GRAMD1B: variants seen among roughly 807,000 people sequenced by gnomAD.
GRAMD1B encodes the protein protein Aster-B.
Under a neutral mutation model 99.7 loss-of-function variants are expected in GRAMD1B, and 37 were observed. The ratio of observed to expected loss-of-function variants is 0.37; its 90% CI spans 0.29 to 0.49. The LOEUF (loss-of-function observed/expected upper bound fraction) is 0.49. GRAMD1B is among the 20% of genes least tolerant of loss of function. GRAMD1B has a pLI of 0.98. For synonymous variants in GRAMD1B, 427 were observed against 387.6 expected (o/e 1.10, Z -1.19); for missense variants, 888 against 1,009.2 (o/e 0.88, Z 1.63).
intron 2 of GRAMD1B, among the ~76,000 whole-genome samples, chr11:123,528,074 A>G (rs1322288061): frequency 6.6e-6 from 1 of 152,174 alleles, no homozygotes; most frequent in Non-Finnish European, 1.5e-5. Context: ...CATTAAGTAC[A>G]GGTCCATTTT....
intron 7 of GRAMD1B, 59 bp downstream of exon 7, chr11:123,596,096 T>G: frequency 1.1e-6 from 1 of 906,236 alleles, no homozygotes; most frequent in South Asian, 1.5e-5. Flanking sequence ...ACTCTTGTAT[T>G]TCTGCCCTTT....
At chr11:123,555,756 C>G (rs374966133) in intron 2 of GRAMD1B, among the ~76,000 whole-genome samples, 1 of 151,724 alleles carries the variant, frequency 6.6e-6, no homozygotes, top group Admixed American at 6.6e-5. Context: ...TTTTTTAAAA[C>G]GGAGTTTTGC....
chr11:123,384,894 G>T (rs187588121), intron 1 of GRAMD1B, among the ~76,000 whole-genome samples: 4 of 152,254 alleles, frequency 2.6e-5, no homozygotes, highest in East Asian at 3.9e-4. Context: ...TAAAGCAAAA[G>T]AAACTATAAA....
In GRAMD1B at chr11:123,614,797, G is replaced by A; in HGVS notation, c.2280G>A (p.Leu760=). The change falls in exon 17 of 20, where the codon CTG becomes CTA. Residue 760 remains leucine, a synonymous_variant. Transcript: ENST00000635736. ...IPEDTPNGFH[L]QSVSKLLLVI... ...AGGACACCCCCAACGGTTTCCACCTGCAGAGCGTGTCCAAGCTGCTGCTGG... is the reference window on the plus strand; with the variant it reads ...AGGACACCCCCAACGGTTTCCACCTACAGAGCGTGTCCAAGCTGCTGCTGG... The A allele has an allele frequency of 6.2e-7, 1 of 1,612,494 alleles. No individual in the cohort carries two copies. Among genetic ancestry groups the A allele is most frequent in the South Asian group, 1.1e-5 (1 of 90,960 alleles).
intron 2 of GRAMD1B, among the ~76,000 whole-genome samples, chr11:123,490,840 T>C (rs571513129): frequency 1.8e-4 from 27 of 152,104 alleles, no homozygotes; most frequent in South Asian, 4.2e-4. Context: ...GAGAGACTAA[T>C]TGAGGTGGAT....
At chr11:123,559,621 G>GA (rs559950904) in intron 2 of GRAMD1B, 14,911 of 790,054 alleles carry the variant, frequency 0.019, no homozygotes, top group Non-Finnish European at 0.021. Flanking sequence ...AATGGACAGA[G>GA]AAAAAAAAAA....
chr11:123,566,004 C>T (rs958258508), intron 2 of GRAMD1B, among the ~76,000 whole-genome samples: 6 of 152,154 alleles, frequency 3.9e-5, no homozygotes, highest in African/African-American at 1.4e-4. Flanking sequence ...TACTCTCATC[C>T]CGTGTCTTTG....
chr11:123,561,328 T>C (rs1592009691), intron 2 of GRAMD1B, among the ~76,000 whole-genome samples: 1 of 152,130 alleles, frequency 6.6e-6, no homozygotes, highest in Non-Finnish European at 1.5e-5. Context: ...CAGGAAGATA[T>C]GGACAGACAC....
intron 1 of GRAMD1B, among the ~76,000 whole-genome samples, chr11:123,463,293 A>G (rs537254659): frequency 1.3e-5 from 2 of 152,232 alleles, no homozygotes; most frequent in South Asian, 2.1e-4. Flanking sequence ...GATTACAGGC[A>G]TGAGCCACCG....
At chr11:123,590,352 C>T (rs992043138) in intron 4 of GRAMD1B, among the ~76,000 whole-genome samples, 17 of 152,148 alleles carry the variant, frequency 1.1e-4, no homozygotes, top group African/African-American at 3.6e-4. Context: ...TCCAAGAAGT[C>T]CCTGGCAACT....
chr11:123,536,292 G>A (rs1943956647), intron 2 of GRAMD1B, among the ~76,000 whole-genome samples: 1 of 152,142 alleles, frequency 6.6e-6, no homozygotes, highest in East Asian at 1.9e-4. Context: ...GTGCATGCCT[G>A]TAATCCAAGC....
At chr11:123,370,746 C>T (rs1192641190) in intron 1 of GRAMD1B, among the ~76,000 whole-genome samples, 6 of 152,062 alleles carry the variant, frequency 3.9e-5, no homozygotes, top group African/African-American at 9.7e-5. Context: ...AGAATGGAAA[C>T]GTTTTTGAAG....
At chr11:123,515,148 G>C (rs1941553818) in intron 2 of GRAMD1B, among the ~76,000 whole-genome samples, 1 of 152,184 alleles carries the variant, frequency 6.6e-6, no homozygotes, top group Non-Finnish European at 1.5e-5. Context: ...GTGAATCGTT[G>C]GTTTCTGACT....
At chr11:123,397,224 C>T (rs901604436) in intron 1 of GRAMD1B, among the ~76,000 whole-genome samples, 5 of 151,852 alleles carry the variant, frequency 3.3e-5, no homozygotes, top group Non-Finnish European at 7.4e-5. Flanking sequence ...GCCAACATGG[C>T]GAAATGCCAT....
chr11:123,539,956 A>G (rs1263525619), intron 2 of GRAMD1B, among the ~76,000 whole-genome samples: 6 of 152,142 alleles, frequency 3.9e-5, no homozygotes, highest in Non-Finnish European at 8.8e-5. Flanking sequence ...GTTGTTTTCT[A>G]TTCTCTGAGC....
intron 11 of GRAMD1B, chr11:123,608,202 C>T (rs1162434162): frequency 2.6e-6 from 1 of 380,170 alleles, no homozygotes. Context: ...TACACTGATT[C>T]TTCCAGATTA....
intron 1 of GRAMD1B, among the ~76,000 whole-genome samples, chr11:123,412,426 C>A (rs1948084079): frequency 6.6e-6 from 1 of 152,310 alleles, no homozygotes; most frequent in East Asian, 1.9e-4. Flanking sequence ...ATTATTTTTC[C>A]TCTTTCATGC....
intron 1 of GRAMD1B, among the ~76,000 whole-genome samples, chr11:123,424,592 A>G (rs1948582797): frequency 6.6e-6 from 1 of 152,182 alleles, no homozygotes; most frequent in Non-Finnish European, 1.5e-5. Context: ...CTATTTTCAA[A>G]ACCTCTTTGT....
chr11:123,525,357 C>T (rs945035085), intron 2 of GRAMD1B, among the ~76,000 whole-genome samples: 1 of 152,118 alleles, frequency 6.6e-6, no homozygotes, highest in Non-Finnish European at 1.5e-5. Context: ...GCACTCACCA[C>T]GGGGCCTCTG....
Sources: allele counts gnomAD v4.1 joint callset (sites outside exome capture counted in the v4.1 genomes callset), GRCh38; gene constraint gnomAD v4.1.1; transcripts MANE v1.5; gene names NCBI Gene and HGNC (gene_info 2026-07-23, HGNC 2026-07-21).